The following NPAS3 variants were observed in gnomAD, a reference collection of about 807,000 sequenced individuals.
NPAS3 encodes the protein neuronal PAS domain protein 3, also known as neuronal PAS domain-containing protein 3.
A neutral mutation model predicts 73.1 loss-of-function variants in NPAS3; 14 were observed. The ratio of observed to expected loss-of-function variants is 0.19; its 90% CI spans 0.13 to 0.30. The LOEUF is 0.30. Ranked by LOEUF, NPAS3 falls within the 10% of genes least tolerant of loss-of-function variation. The pLI is 1.00. For synonymous variants in NPAS3, 620 were observed against 541.5 expected (o/e 1.14, Z -2.01); for missense variants, 1,096 against 1,250.0 (o/e 0.88, Z 1.86).
chr14:32,938,653 C>T (rs1006055183), upstream of NPAS3, among the ~76,000 whole-genome samples: 5 of 151,626 alleles, frequency 3.3e-5, no homozygotes, highest in African/African-American at 9.7e-5. Context: ...CCGCTCCTCC[C>T]GGCCTAGACC....
intron 1 of NPAS3, among the ~76,000 whole-genome samples, chr14:32,968,774 T>TTC (rs1039696583): frequency 7.3e-5 from 11 of 150,040 alleles, no homozygotes; most frequent in South Asian, 4.2e-4. Flanking sequence ...CTTTCTTTCT[T>TTC]TTTTTTTTTT....
At position 33,751,714 on chromosome 14, in the gene NPAS3, T is replaced by G. The variant is rs1012666777; in HGVS notation, c.852+16382T>G. ...ATAATTATCTCTCATTAGAAAAATT[T>G]TATTTGTTCTTCAACTCACTTAATT... On this transcript the variant is annotated intron_variant, in intron 7 of 11. Coordinates refer to ENST00000356141, the Ensembl canonical transcript of NPAS3. Among the ~76,000 whole-genome samples the G allele has an allele frequency of 2.6e-5, 4 of 152,332 alleles. No homozygotes were observed. The South Asian group carries it at 6.2e-4, about 24-fold the overall frequency.
intron 4 of NPAS3, among the ~76,000 whole-genome samples, chr14:33,453,456 C>T (rs948685336): frequency 1.3e-5 from 2 of 152,096 alleles, no homozygotes; most frequent in East Asian, 1.9e-4. Context: ...TTTTGTCCTT[C>T]CCAATATTTC....
intron 5 of NPAS3, among the ~76,000 whole-genome samples, chr14:33,642,548 TTGAAAAATC>T (rs2058703176): frequency 6.6e-6 from 1 of 152,210 alleles, no homozygotes; most frequent in Non-Finnish European, 1.5e-5. Context: ...GGGTACAAGA[TTGAAAAATC>T]TCAATCTAGA....
chr14:33,185,869 C>T (rs181065279), intron 2 of NPAS3, among the ~76,000 whole-genome samples: 39 of 152,184 alleles, frequency 2.6e-4, no homozygotes, highest in Non-Finnish European at 5.3e-4. Flanking sequence ...TTTCCCCTAC[C>T]AGTAAGCAAT....
chr14:33,001,263 T>A (rs995100927), intron 1 of NPAS3, among the ~76,000 whole-genome samples: 6 of 152,114 alleles, frequency 3.9e-5, no homozygotes, highest in Non-Finnish European at 5.9e-5. Context: ...GAGGTATATA[T>A]GGGGCCAGCT....
chr14:33,238,463 A>C (rs2048112032), intron 3 of NPAS3, among the ~76,000 whole-genome samples: 1 of 152,018 alleles, frequency 6.6e-6, no homozygotes, highest in Non-Finnish European at 1.5e-5. Context: ...TTTAAGTTTC[A>C]GATTAAGTAG....
chr14:33,254,217 C>T (rs1436232960), intron 3 of NPAS3, among the ~76,000 whole-genome samples: 1 of 152,014 alleles, frequency 6.6e-6, no homozygotes, highest in East Asian at 1.9e-4. Context: ...CTTCTATAAC[C>T]TAGAATTTAT....
rs141582387 is a variant in NPAS3 at position 33,512,388 on chromosome 14, T to C, written c.469-47733T>C. Among the ~76,000 whole-genome samples the C allele has an allele frequency of 2.7e-3, 412 of 152,166 alleles. 2 individuals carry two copies. The highest frequency in any genetic ancestry group is 8.1e-3 in the African/African-American group (337 of 41,542). On this transcript the variant is annotated intron_variant, in intron 4 of 11. Transcript: ENST00000356141. ...ACCCGAGAAAAGTTTTGTAGGACTT[T>C]ACAGTGTTCCCTGCTTTGATCTGAA...
At chr14:33,221,220 G>A (rs1423376914) in intron 3 of NPAS3, among the ~76,000 whole-genome samples, 1 of 152,142 alleles carries the variant, frequency 6.6e-6, no homozygotes, top group Non-Finnish European at 1.5e-5. Context: ...AACAAGCAAT[G>A]TCTCTTAATG....
intron 5 of NPAS3, among the ~76,000 whole-genome samples, chr14:33,574,499 C>T (rs2056355484): frequency 6.6e-6 from 1 of 152,088 alleles, no homozygotes. Context: ...AATGCAGTGG[C>T]TTGCGGGGCC....
intron 2 of NPAS3, among the ~76,000 whole-genome samples, chr14:33,094,365 G>A (rs1372504305): frequency 6.6e-6 from 1 of 151,788 alleles, no homozygotes; most frequent in Non-Finnish European, 1.5e-5. Flanking sequence ...TTTATTTATG[G>A]TAAACCAATA....
chr14:33,374,471 C>G (rs979904185), intron 4 of NPAS3, among the ~76,000 whole-genome samples: 1 of 148,220 alleles, frequency 6.7e-6, no homozygotes, highest in African/African-American at 2.4e-5. Context: ...TATAGGTTCT[C>G]TATCTACCAG....
At position 33,087,207 on chromosome 14, in the gene NPAS3, GTAT is replaced by G. The variant is rs977331430; in HGVS notation, c.140+31224_140+31226del. 4.8e-4 allele frequency among the ~76,000 whole-genome samples: 52 copies of G among 108,566 alleles called. 1 individual carries two copies. Among genetic ancestry groups the G allele is most frequent in the South Asian group, 1.6e-3 (4 of 2,540 alleles). 71.2% of individuals were successfully genotyped at this position (108,566 alleles called of 152,430 possible). ...CAATATAATATTGTATAATAATATA[GTAT>G]TATTATTATTGTATAATATATATTA... On this transcript the variant is annotated intron_variant, in intron 2 of 11. Coordinates refer to ENST00000356141, the Ensembl canonical transcript of NPAS3.
At chr14:33,682,807 T>C (rs530623769) in intron 6 of NPAS3, among the ~76,000 whole-genome samples, 32 of 152,350 alleles carry the variant, frequency 2.1e-4, no homozygotes, top group Non-Finnish European at 4.3e-4. Context: ...ACTGTACTTT[T>C]AGAATCTTGC....
At chr14:33,487,910 ATCT>A (rs2051692395) in intron 4 of NPAS3, among the ~76,000 whole-genome samples, 1 of 152,166 alleles carries the variant, frequency 6.6e-6, no homozygotes, top group African/African-American at 2.4e-5. Context: ...ATACACTTAT[ATCT>A]GTCTTTCGAA....
chr14:33,520,648 C>T (rs549433348), intron 4 of NPAS3, among the ~76,000 whole-genome samples: 1 of 152,208 alleles, frequency 6.6e-6, no homozygotes, highest in South Asian at 2.1e-4. Context: ...AGTGATTTTT[C>T]TGTATTTTCA....
At chr14:33,708,064 A>G (rs2060708079) in intron 6 of NPAS3, among the ~76,000 whole-genome samples, 1 of 152,102 alleles carries the variant, frequency 6.6e-6, no homozygotes, top group African/African-American at 2.4e-5. Flanking sequence ...GCCACAAAAA[A>G]AAACACAAAA....
chr14:33,677,143 T>C (rs2059792539), intron 6 of NPAS3, among the ~76,000 whole-genome samples: 1 of 152,226 alleles, frequency 6.6e-6, no homozygotes, highest in Non-Finnish European at 1.5e-5. Context: ...CGGGGAAGAT[T>C]GGCTGGTCGG....
Sources: gnomAD v4.1 joint callset for allele counts (sites outside exome capture counted in the v4.1 genomes callset) on GRCh38, gnomAD v4.1.1 for gene constraint, MANE v1.5 for transcripts, NCBI Gene and HGNC (gene_info 2026-07-23, HGNC 2026-07-21) for gene names.